Variants in RNF44 observed in about 807,000 individuals in gnomAD.
RNF44 encodes the protein ring finger protein 44.
In RNF44, 25 loss-of-function variants were observed where a neutral mutation model predicts 53.6. The observed-to-expected ratio is 0.47, with a 90% CI of 0.34 to 0.65. The LOEUF (loss-of-function observed/expected upper bound fraction) is 0.65, where lower values mean the gene tolerates loss of function less well. Among genes scored for constraint, RNF44 ranks in the 30% least tolerant of loss-of-function variants. The pLI, the probability that RNF44 is intolerant of heterozygous loss-of-function variation, is 0.01. For synonymous variants in RNF44, 282 were observed against 252.2 expected (o/e 1.12, Z -1.12); for missense variants, 581 against 595.5 (o/e 0.98, Z 0.25).
Position 176,531,974 on chromosome 5 carries a change from C to T in RNF44, c.297+30G>A. The T allele has an allele frequency of 6.3e-7, 1 of 1,581,242 alleles. No homozygotes were observed. The highest frequency in any genetic ancestry group is 1.2e-5 in the South Asian group (1 of 86,388). On this transcript the variant is annotated intron_variant, in intron 3 of 10. Coordinates refer to ENST00000274811, the MANE Select transcript of RNF44 (RefSeq NM_014901.5). The surrounding 1 kb of genome is among the most constrained non-coding windows in gnomAD (Gnocchi z 4.2). ...TGCCTCTCAGACTGGCTCACAGGGC[C>T]AGGGGCACAGGGGATGGGGTTCTGC...
intron 1 of RNF44, among the ~76,000 whole-genome samples, chr5:176,532,734 G>A (rs1431419891): frequency 4.2e-5 from 4 of 95,198 alleles, no homozygotes; most frequent in Non-Finnish European, 7.7e-5. Context: ...GTGACAGAGC[G>A]AGACTCCCGT....
In RNF44 at chr5:176,529,323, CAT is replaced by C; in HGVS notation, c.1199_1200del (p.His400ArgfsTer8). 1 of 1,613,714 alleles carries C rather than the reference CAT, an allele frequency of 6.2e-7. No homozygotes were observed. The highest frequency in any genetic ancestry group is 8.5e-7 in the Non-Finnish European group (1 of 1,180,020). On this transcript the variant is annotated frameshift_variant, in exon 10 of 11. Coordinates refer to ENST00000274811, the MANE Select transcript of RNF44 (RefSeq NM_014901.5). LOFTEE classifies it high-confidence loss of function. Reference sequence around the variant, plus strand: ...TTGTCAACACACTTGGTGTGGAACTCATGGTTGCAGGGGAGGACTCGGAGCAG... The same window carrying C: ...TTGTCAACACACTTGGTGTGGAACTCGGTTGCAGGGGAGGACTCGGAGCAG... ...RQLLRVLPCN[H>X]EFHTKCVDKW...
chr5:176,530,015 G>A, intron 7 of RNF44, 67 bp downstream of exon 7: 2 of 1,468,482 alleles, frequency 1.4e-6, no homozygotes, highest in South Asian at 1.5e-5. Context: ...CTGTGTTTAG[G>A]TCTAACCACT....
upstream of RNF44, among the ~76,000 whole-genome samples, chr5:176,538,334 G>A (rs925964362): frequency 6.6e-6 from 1 of 152,128 alleles, no homozygotes; most frequent in African/African-American, 2.4e-5. Flanking sequence ...GGAAAGTGAG[G>A]GCCTTCCCTT....
chr5:176,540,771 T>C (rs1174176025), upstream of RNF44, among the ~76,000 whole-genome samples: 1 of 152,160 alleles, frequency 6.6e-6, no homozygotes, highest in African/African-American at 2.4e-5. Context: ...GTCATTTGAG[T>C]TTCCCCTCAG....
At chr5:176,540,165 CTCAG>C (rs1757416095), upstream of RNF44, among the ~76,000 whole-genome samples, 1 of 152,182 alleles carries the variant, frequency 6.6e-6, no homozygotes. Flanking sequence ...GTGTGTCTCA[CTCAG>C]TAATTCCCCT....
At chr5:176,540,251 G>A (rs1229642819), upstream of RNF44, among the ~76,000 whole-genome samples, 1 of 152,110 alleles carries the variant, frequency 6.6e-6, no homozygotes, top group Non-Finnish European at 1.5e-5. Context: ...GGGTACCCCA[G>A]CCTCATTTTA....
At chr5:176,541,189 A>G (rs1229022628), upstream of RNF44, among the ~76,000 whole-genome samples, 2 of 152,112 alleles carry the variant, frequency 1.3e-5, no homozygotes, top group Non-Finnish European at 2.9e-5. Flanking sequence ...GTGAGGTTCT[A>G]TGGGGGAAAT....
At chr5:176,533,308 C>T (rs1756870594) in intron 1 of RNF44, among the ~76,000 whole-genome samples, 2 of 152,238 alleles carry the variant, frequency 1.3e-5, no homozygotes, top group East Asian at 3.8e-4. Context: ...AGACACTATT[C>T]TTTCTTTCCT....
At position 176,527,077 on chromosome 5, in the gene RNF44, A is replaced by C. The variant is rs1756092210; in HGVS notation, c.*1951T>G. The C allele has an allele frequency of 6.6e-6, 1 of 152,188 alleles. No homozygotes were observed. Among genetic ancestry groups the C allele is most frequent in the Admixed American group, 6.6e-5 (1 of 15,256 alleles). 9.4% of individuals were successfully genotyped at this position (152,188 alleles called of 1,614,324 possible). On this transcript the variant is annotated 3_prime_UTR_variant, in exon 11 of 11. Coordinates refer to ENST00000274811, the MANE Select transcript of RNF44 (RefSeq NM_014901.5). ...ACATATATTTCTACATATATATGTA[A>C]TTTTATATATATATAAAACCTTTCT...
upstream of RNF44, chr5:176,538,155 G>C (rs1417523202): frequency 6.6e-6 from 1 of 152,226 alleles, no homozygotes; most frequent in Non-Finnish European, 1.5e-5. Context: ...GCAGGCGCTG[G>C]GCGCTCTAGC....
Position 176,530,239 on chromosome 5 carries a change from C to T in RNF44, c.802-33G>A, listed in dbSNP as rs565707358. ...AGGGGCCAGGTGCAGGTCAGCCCAG[C>T]AGGCCTGCCTCCCAGCCGCCCCGGA... On this transcript the variant is annotated intron_variant, in intron 6 of 10. Transcript: ENST00000274811. 1.4e-4 allele frequency: 147 copies of T among 1,064,424 alleles called. 3 individuals are homozygous for T. The highest frequency in any genetic ancestry group is 5.0e-4 in the South Asian group (16 of 32,122). 65.9% of individuals were successfully genotyped at this position (1,064,424 alleles called of 1,614,324 possible). A position where few individuals can be genotyped will look rare whatever the true frequency, so the allele number is the denominator to read the frequency against.
intron 1 of RNF44, among the ~76,000 whole-genome samples, chr5:176,533,845 G>T (rs1241653559): frequency 6.6e-6 from 1 of 152,198 alleles, no homozygotes; most frequent in Non-Finnish European, 1.5e-5. Flanking sequence ...AAAGCTGAAG[G>T]ATGCGTCCAA....
chr5:176,538,411 G>C (rs565313363), upstream of RNF44, among the ~76,000 whole-genome samples: 4 of 152,132 alleles, frequency 2.6e-5, no homozygotes, highest in East Asian at 5.8e-4. Context: ...GCCGAGCCTC[G>C]TTCTCCTTTG....
chr5:176,539,475 G>T (rs1237037751), upstream of RNF44, among the ~76,000 whole-genome samples: 2 of 152,134 alleles, frequency 1.3e-5, no homozygotes, highest in Non-Finnish European at 2.9e-5. Context: ...AGATCACAAG[G>T]TCAGGAGTTT....
chr5:176,532,065 C>G lies in RNF44; in HGVS notation c.236G>C (p.Ser79Thr). 1 of 1,607,820 alleles carries G rather than the reference C, an allele frequency of 6.2e-7. No homozygotes were observed. Among genetic ancestry groups the G allele is most frequent in the East Asian group, 2.2e-5 (1 of 44,816 alleles). ...ERRASAPAGGSPRMLHPATQQ... is the reference protein window; with the variant it reads ...ERRASAPAGGTPRMLHPATQQ... The stretch of plus-strand genomic sequence containing the variant: ...GGTGGCTGGGTGCAGCATTCGGGGG[C>G]TCCCGCCGGCAGGAGCCGAGGCTCG... The change falls in exon 3 of 11, where the codon AGC becomes ACC. Residue 79 changes from serine (S) to threonine (T), a missense_variant. By Grantham distance (58) the Ser-to-Thr change is moderately conservative (BLOSUM62 1). This residue lies in a region of RNF44 where 387 missense variants were observed against 366.0 expected (regional missense o/e 1.06). Coordinates refer to ENST00000274811, the MANE Select transcript of RNF44 (RefSeq NM_014901.5).
At chr5:176,532,852 G>A (rs534316798) in intron 1 of RNF44, among the ~76,000 whole-genome samples, 158 of 151,992 alleles carry the variant, frequency 1.0e-3, no homozygotes, top group African/African-American at 3.7e-3. Flanking sequence ...TGTGACCCCA[G>A]GGACCAATGG....
chr5:176,542,552 G>C (rs1227353470), upstream of RNF44: 1 of 152,168 alleles, frequency 6.6e-6, no homozygotes, highest in Non-Finnish European at 1.5e-5. Flanking sequence ...GATGAAAACC[G>C]AGGGCTGCAG....
chr5:176,527,873 C>T lies in RNF44; in HGVS notation c.*1155G>A, dbSNP rs1257856927. The T allele has an allele frequency of 6.6e-6, 1 of 152,368 alleles. No individual in the cohort carries two copies. The highest frequency in any genetic ancestry group is 1.5e-5 in the Non-Finnish European group (1 of 68,004). 9.4% of individuals were successfully genotyped at this position (152,368 alleles called of 1,614,324 possible). On this transcript the variant is annotated 3_prime_UTR_variant, in exon 11 of 11. Coordinates refer to ENST00000274811, the MANE Select transcript of RNF44 (RefSeq NM_014901.5). ...ATGGGGGTCCACAGCCTTCCTGGTC[C>T]CCATCCTCCTGGGACTTCCTTGGAG...
Sources: gnomAD v4.1 joint callset for allele counts (sites outside exome capture counted in the v4.1 genomes callset) on GRCh38, gnomAD v4.1.1 for gene constraint, gnomAD v4.1.1 regional missense constraint, Gnocchi (gnomAD v3.1) non-coding constraint, MANE v1.5 for transcripts, NCBI Gene and HGNC (gene_info 2026-07-23, HGNC 2026-07-21) for gene names.